Variants in COL4A6 observed in about 807,000 individuals in gnomAD.
COL4A6 encodes the protein collagen type IV alpha 6 chain.
In COL4A6, 59 loss-of-function variants were observed where a neutral mutation model predicts 126.7. That is an observed-to-expected ratio of 0.47 (90% CI 0.38 to 0.58). The LOEUF (loss-of-function observed/expected upper bound fraction) is 0.58, where lower values mean the gene tolerates loss of function less well. Ranked by LOEUF, COL4A6 falls within the 20% of genes least tolerant of loss-of-function variation. The pLI is 0.00. For missense variants in COL4A6, 1,285 were observed against 1,337.3 expected (o/e 0.96, Z 0.61); for synonymous variants, 547 against 496.6 (o/e 1.10, Z -1.35).
chrX:108,214,225 G>C lies in COL4A6; in HGVS notation c.328C>G (p.His110Asp). 8.4e-7 allele frequency: 1 copy of C among 1,184,611 alleles called. No homozygotes were observed. Among genetic ancestry groups the C allele is most frequent in the African/African-American group, 1.8e-5 (1 of 56,569 alleles). ...GFLGINGIPG[H>D]PGQPGPRGPP... ...CCTCTGGGGCCTGGTTGTCCAGGGT[G>C]GCCCTGTTCAAAGAGAAAAGAAGGG... Residue 110 changes from histidine (H) to aspartate (D), a missense_variant, in exon 6 of 45, where the codon CAC becomes GAC. By Grantham distance (81) the His-to-Asp change is moderately conservative. Transcript: ENST00000334504.
At chrX:108,332,485 T>C in intron 2 of COL4A6, among the ~76,000 whole-genome samples, 1 of 111,949 alleles carries the variant, frequency 8.9e-6, no homozygotes, top group Non-Finnish European at 1.9e-5. Flanking sequence ...AATATAAGCA[T>C]TCTCTTTTCT....
At chrX:108,376,695 G>A (rs1368657136) in intron 2 of COL4A6, among the ~76,000 whole-genome samples, 2 of 112,812 alleles carry the variant, frequency 1.8e-5, no homozygotes, top group Non-Finnish European at 3.7e-5. Context: ...CATTTTTGAG[G>A]TGTTTAGTTT....
At chrX:108,173,183 C>T (rs754497813) in intron 31 of COL4A6, among the ~76,000 whole-genome samples, 3 of 111,897 alleles carry the variant, frequency 2.7e-5, no homozygotes, top group South Asian at 7.5e-4. Context: ...TTGAGATTTA[C>T]CCAGTATCCA....
intron 3 of COL4A6, among the ~76,000 whole-genome samples, chrX:108,231,981 G>A (rs2036320340): frequency 9.0e-6 from 1 of 111,693 alleles, no homozygotes; most frequent in Non-Finnish European, 1.9e-5. Flanking sequence ...TCTAGGCTCT[G>A]GTAGACAAAT....
At chrX:108,289,242 A>AGTGTGTGTGTGTGT (rs34639525) in intron 3 of COL4A6, among the ~76,000 whole-genome samples, 2 of 91,329 alleles carry the variant, frequency 2.2e-5, no homozygotes, top group African/African-American at 4.1e-5. Context: ...CAATGAGTAT[A>AGTGTGTGTGTGTGT]GTGTGTGTGT....
chrX:108,438,407 G>C lies in COL4A6; in HGVS notation c.-211C>G, dbSNP rs1219090537. On this transcript the variant is annotated 5_prime_UTR_variant, in exon 1 of 45. Coordinates refer to ENST00000334504, the MANE Select transcript of COL4A6 (RefSeq NM_033641.4). ...GGCTCAGCGGTGCCCGTTACAACTT[G>C]CAGCACTCAGGAGATAGTTCCATGC... The C allele has an allele frequency of 1.7e-5, 18 of 1,043,825 alleles. No individual in the cohort carries two copies. The highest frequency in any genetic ancestry group is 2.2e-5 in the Non-Finnish European group (18 of 819,016). 86.0% of individuals were successfully genotyped at this position (1,043,825 alleles called of 1,213,427 possible).
intron 2 of COL4A6, among the ~76,000 whole-genome samples, chrX:108,314,593 T>C (rs1310578413): frequency 8.9e-6 from 1 of 112,014 alleles, no homozygotes; most frequent in Admixed American, 9.5e-5. Context: ...CAATTTATTT[T>C]ACTCCTTTGT....
At chrX:108,204,460 G>A (rs780301305) in intron 11 of COL4A6, 48 bp from the exon 12 acceptor site, 2 of 1,084,105 alleles carry the variant, frequency 1.8e-6, no homozygotes, top group African/African-American at 1.8e-5. Flanking sequence ...CACACCGACC[G>A]TTTTTCCAGA....
chrX:108,159,597 C>T lies in COL4A6; in HGVS notation c.4677G>A (p.Gln1559=), dbSNP rs2148049169. 1 of 1,212,192 alleles carries T rather than the reference C, an allele frequency of 8.2e-7. No homozygotes were observed. Among genetic ancestry groups the T allele is most frequent in the Non-Finnish European group, 1.1e-6 (1 of 895,605 alleles). Residue 1559 remains glutamine, a synonymous_variant, in exon 44 of 45, where the codon CAG becomes CAA. Transcript: ENST00000334504. ...AGCAGCGGCTGATGTACTGGGGAAT[C>T]TGGGTCTGGCTGACGGGCATCATGG... is the stretch of plus-strand genomic sequence containing the variant. ...PIPMMPVSQT[Q]IPQYISRCSV...
intron 8 of COL4A6, among the ~76,000 whole-genome samples, chrX:108,209,212 A>C (rs1286326137): frequency 8.9e-6 from 1 of 111,937 alleles, no homozygotes; most frequent in Non-Finnish European, 1.9e-5. Context: ...CTGCCAGCTA[A>C]ACACCATTCA....
Position 108,211,728 on chromosome X carries a change from G to C in COL4A6, c.454C>G (p.Gln152Glu), listed in dbSNP as rs184622613. Residue 152 changes from glutamine to glutamate, a missense_variant, in exon 7 of 45, where the codon CAG (glutamine) becomes GAG (glutamate). Transcript: ENST00000334504. Reference sequence around the variant, plus strand: ...ACAGGGTCACCTTTTGATCCTTTCTGACCAGGAAGCCCCTGAGTAAAATAG... The same window carrying C: ...ACAGGGTCACCTTTTGATCCTTTCTCACCAGGAAGCCCCTGAGTAAAATAG... ...GLLGPPGLPG[Q>E]KGSKGDPVLA... 17 of 1,209,067 alleles carry C rather than the reference G, an allele frequency of 1.4e-5. No individual in the cohort carries two copies. The African/African-American group carries it at 3.0e-4, about 21-fold the overall frequency.
intron 2 of COL4A6, among the ~76,000 whole-genome samples, chrX:108,384,450 A>AG (rs1009462939): frequency 1.8e-5 from 2 of 112,503 alleles, no homozygotes; most frequent in Admixed American, 1.9e-4. Context: ...TCAAACAATG[A>AG]GGAAAACACC....
chrX:108,353,170 C>T, intron 2 of COL4A6, among the ~76,000 whole-genome samples: 1 of 111,954 alleles, frequency 8.9e-6, no homozygotes, highest in Non-Finnish European at 1.9e-5. Flanking sequence ...CTGGGTTCTA[C>T]TCCTAGAAGC....
chrX:108,312,123 T>A (rs973993627), intron 2 of COL4A6, among the ~76,000 whole-genome samples: 20 of 112,323 alleles, frequency 1.8e-4, no homozygotes, highest in Non-Finnish European at 1.7e-4. Context: ...ACCATCCAAC[T>A]TTTTTGTTTA....
intron 2 of COL4A6, among the ~76,000 whole-genome samples, chrX:108,428,834 T>G (rs2064131485): frequency 9.0e-6 from 1 of 110,952 alleles, no homozygotes; most frequent in Non-Finnish European, 1.9e-5. Flanking sequence ...ACACAGGTGG[T>G]GTTAATATCA....
intron 2 of COL4A6, among the ~76,000 whole-genome samples, chrX:108,431,418 A>G (rs1189624405): frequency 9.0e-6 from 1 of 111,698 alleles, no homozygotes; most frequent in Non-Finnish European, 1.9e-5. Context: ...AAATCACAAT[A>G]CTGAAAGATT....
chrX:108,199,007 G>T (rs187498101), intron 13 of COL4A6, among the ~76,000 whole-genome samples: 1 of 111,414 alleles, frequency 9.0e-6, no homozygotes, highest in Admixed American at 9.5e-5. Context: ...GCCTACAAGT[G>T]TGAGTGTGTT....
chrX:108,351,434 C>CTG (rs1491069048), intron 2 of COL4A6, among the ~76,000 whole-genome samples: 39 of 83,528 alleles, frequency 4.7e-4, no homozygotes, highest in African/African-American at 2.0e-3. Flanking sequence ...GGAGGTAACT[C>CTG]TCTCTCTCTG....
chrX:108,180,465 ACAC>A, intron 25 of COL4A6, 47 bp downstream of exon 25: 1 of 1,019,020 alleles, frequency 9.8e-7, no homozygotes, highest in Non-Finnish European at 1.4e-6. Flanking sequence ...ACACACACAC[ACAC>A]ACATACACAC....
Sources: allele counts gnomAD v4.1 joint callset (sites outside exome capture counted in the v4.1 genomes callset), GRCh38; gene constraint gnomAD v4.1.1; transcripts MANE v1.5; gene names NCBI Gene and HGNC (gene_info 2026-07-23, HGNC 2026-07-21).